Variants in CDC5L observed in about 807,000 individuals in gnomAD.
The protein encoded by CDC5L is cell division cycle 5-like protein.
A neutral mutation model predicts 104.1 loss-of-function variants in CDC5L; 18 were observed. That is an observed-to-expected ratio of 0.17 (90% confidence interval 0.12 to 0.26). CDC5L has a LOEUF of 0.26. CDC5L is among the 10% of genes least tolerant of loss of function. The probability of loss-of-function intolerance (pLI) is 1.00; values close to 1 mark genes in which losing one functional copy is unlikely to be tolerated. For missense variants in CDC5L, 673 were observed against 956.9 expected (o/e 0.70, Z 3.91); for synonymous variants, 331 against 322.7 (o/e 1.03, Z -0.28).
At chr6:44,401,344 T>A (rs1377649781) in intron 5 of CDC5L, among the ~76,000 whole-genome samples, 1 of 152,134 alleles carries the variant, frequency 6.6e-6, no homozygotes, top group Non-Finnish European at 1.5e-5. Context: ...CCTCATCTCA[T>A]AAGCCAGGGC....
chr6:44,433,586 G>C (rs1015782006), intron 14 of CDC5L, among the ~76,000 whole-genome samples: 1 of 152,122 alleles, frequency 6.6e-6, no homozygotes, highest in African/African-American at 2.4e-5. Flanking sequence ...AAATGGAAAG[G>C]CTTTCCTTAG....
rs1187517177 is a variant in CDC5L, at chr6:44,387,888, C to T, written c.45+20C>T. ...ACCGAGGTAAGTCTCCTTTTCCCGC[C>T]GTCCGCTGCCCGCCGCTCCCTCTAG... On this transcript the variant is annotated intron_variant, in intron 1 of 15. Transcript: ENST00000371477. The T allele has an allele frequency of 1.3e-6, 2 of 1,553,430 alleles. No homozygotes were observed. Among genetic ancestry groups the T allele is most frequent in the Admixed American group, 3.9e-5 (2 of 51,320 alleles).
chr6:44,387,923 C>G (rs981525522), intron 1 of CDC5L, 55 bp downstream of exon 1: 4 of 1,526,360 alleles, frequency 2.6e-6, no homozygotes, highest in Non-Finnish European at 3.5e-6. Flanking sequence ...GCAGCTTGTG[C>G]GCACGCGCGC....
chr6:44,391,959 G>T (rs1396999588), intron 2 of CDC5L, among the ~76,000 whole-genome samples: 1 of 152,166 alleles, frequency 6.6e-6, no homozygotes, highest in Admixed American at 6.5e-5. Flanking sequence ...CTGCACTCCA[G>T]CCTGGGCGAC....
At chr6:44,435,429 A>G (rs773704926) in intron 14 of CDC5L, among the ~76,000 whole-genome samples, 4 of 151,992 alleles carry the variant, frequency 2.6e-5, no homozygotes, top group Non-Finnish European at 5.9e-5. Flanking sequence ...GGTAAGAATG[A>G]TGGGCAGAAT....
chr6:44,421,179 A>G (rs1424374990), intron 9 of CDC5L, among the ~76,000 whole-genome samples: 1 of 152,228 alleles, frequency 6.6e-6, no homozygotes, highest in Non-Finnish European at 1.5e-5. Context: ...CCACCAATCC[A>G]TCATAATTTT....
At chr6:44,435,389 T>C (rs776551000) in intron 14 of CDC5L, among the ~76,000 whole-genome samples, 17 of 151,886 alleles carry the variant, frequency 1.1e-4, no homozygotes, top group Non-Finnish European at 2.1e-4. Flanking sequence ...TTCTTATAAG[T>C]GGGTACATGT....
chr6:44,450,240 A>G lies in CDC5L; in HGVS notation c.*3529A>G, dbSNP rs1793595901. 1 of 152,180 alleles carries G rather than the reference A, an allele frequency of 6.6e-6. No homozygotes were observed. The highest frequency in any genetic ancestry group is 2.4e-5 in the African/African-American group (1 of 41,446). The allele number at this position is 152,180 out of a possible 1,614,324, so 9.4% of individuals were successfully genotyped here. ...GATAACTGTATATCTTTTTCTGTGC[A>G]TTAAGCAGTTATAACATGGGAATGA... On this transcript the variant is annotated 3_prime_UTR_variant, in exon 16 of 16. Coordinates refer to ENST00000371477, the MANE Select transcript of CDC5L (RefSeq NM_001253.4).
chr6:44,406,583 A>G (rs1208734179), intron 7 of CDC5L, 116 bp downstream of exon 7: 5 of 911,722 alleles, frequency 5.5e-6, no homozygotes, highest in Non-Finnish European at 8.7e-6. Flanking sequence ...TAAGAAATTC[A>G]CAGTTTAATG....
Position 44,387,940 on chromosome 6 carries a change from C to T in CDC5L, c.45+72C>T, listed in dbSNP as rs941636784. On this transcript the variant is annotated intron_variant, in intron 1 of 15. Transcript: ENST00000371477. ...AGCTTGTGCGCACGCGCGCGGAGGT[C>T]GGGGGGGCGACGAGGAGACCCTGTG... 2.9e-4 allele frequency: 419 copies of T among 1,464,584 alleles called. 1 individual carries two copies. The Middle Eastern group carries it at 3.7e-3, about 13-fold the overall frequency. The allele number at this position is 1,464,584 out of a possible 1,614,324, so 90.7% of individuals were successfully genotyped here. A position where few individuals can be genotyped will look rare whatever the true frequency, so the allele number is the denominator to read the frequency against.
intron 1 of CDC5L, among the ~76,000 whole-genome samples, chr6:44,388,364 C>G (rs1159017357): frequency 5.3e-5 from 8 of 152,006 alleles, no homozygotes; most frequent in African/African-American, 1.7e-4. Context: ...CGTTTATGCC[C>G]GCATCTCTCT....
At chr6:44,393,134 C>G (rs181887754) in intron 3 of CDC5L, among the ~76,000 whole-genome samples, 370 of 145,826 alleles carry the variant, frequency 2.5e-3, no homozygotes, top group African/African-American at 8.8e-3. Context: ...TAAGAATTAA[C>G]TACTGGAACA....
rs1403574873 is a variant in CDC5L at position 44,408,436 on chromosome 6, C to T, written c.904-8C>T. The T allele has an allele frequency of 6.2e-7, 1 of 1,604,038 alleles. No homozygotes were observed. Among genetic ancestry groups the T allele is most frequent in the Non-Finnish European group, 8.5e-7 (1 of 1,172,684 alleles). ...ATGTTGCTTACTATGATAATTGTGTCCTTTTAGATTTCAGATGCAGAACTC... is the reference window on the plus strand; with the variant it reads ...ATGTTGCTTACTATGATAATTGTGTTCTTTTAGATTTCAGATGCAGAACTC... On this transcript the variant is annotated splice_polypyrimidine_tract_variant and splice_region_variant and intron_variant, in intron 7 of 15. Coordinates refer to ENST00000371477, the MANE Select transcript of CDC5L (RefSeq NM_001253.4).
At chr6:44,410,617 T>C (rs951636780) in intron 8 of CDC5L, among the ~76,000 whole-genome samples, 1 of 152,222 alleles carries the variant, frequency 6.6e-6, no homozygotes, top group Non-Finnish European at 1.5e-5. Context: ...CTGCAAGGTC[T>C]TCTGGCTTCC....
chr6:44,429,968 A>G, intron 14 of CDC5L, 58 bp downstream of exon 14: 2 of 1,347,884 alleles, frequency 1.5e-6, no homozygotes, highest in East Asian at 4.9e-5. Flanking sequence ...TAATGAACTA[A>G]ATAATGCCAC....
chr6:44,426,299 G>A (rs1792419741), intron 12 of CDC5L, 116 bp downstream of exon 12: 5 of 791,934 alleles, frequency 6.3e-6, no homozygotes, highest in Non-Finnish European at 4.0e-6. Flanking sequence ...CTGGAATATA[G>A]CAAAGTAGTT....
At chr6:44,394,636 A>T (rs1790767084) in intron 4 of CDC5L, among the ~76,000 whole-genome samples, 1 of 147,586 alleles carries the variant, frequency 6.8e-6, no homozygotes, top group Admixed American at 6.8e-5. Flanking sequence ...TGGGCAGATC[A>T]CTTGAGCCCA....
intron 10 of CDC5L, 73 bp downstream of exon 10, chr6:44,422,882 CCT>C: frequency 1.0e-6 from 1 of 953,486 alleles, no homozygotes; most frequent in African/African-American, 1.7e-5. Context: ...TAAAATTTCT[CCT>C]GTTAGTGCAT....
At chr6:44,415,195 G>T (rs956646522) in intron 8 of CDC5L, among the ~76,000 whole-genome samples, 2 of 152,110 alleles carry the variant, frequency 1.3e-5, no homozygotes, top group African/African-American at 4.8e-5. Context: ...GTATCCTTTT[G>T]TGTTTTTAAT....
Sources: allele counts gnomAD v4.1 joint callset (sites outside exome capture counted in the v4.1 genomes callset), GRCh38; gene constraint gnomAD v4.1.1; transcripts MANE v1.5; gene names NCBI Gene and HGNC (gene_info 2026-07-23, HGNC 2026-07-21).